MAGI1: variants seen among roughly 807,000 people sequenced by gnomAD.
The protein encoded by MAGI1 is membrane-associated guanylate kinase, WW and PDZ domain-containing protein 1.
In MAGI1, 58 loss-of-function variants were observed where a neutral mutation model predicts 139.9. The observed-to-expected ratio is 0.41, with a 90% CI of 0.34 to 0.52. The LOEUF is 0.52. MAGI1 is among the 20% of genes least tolerant of loss of function. The pLI is 0.12. For missense variants in MAGI1, 1,874 were observed against 1,901.6 expected, an observed-to-expected ratio of 0.99 and a Z score of 0.27; for synonymous variants, 812 against 737.9, an observed-to-expected ratio of 1.10 and a Z score of -1.63.
At chr3:65,649,080 T>C (rs2085434543) in intron 1 of MAGI1, among the ~76,000 whole-genome samples, 1 of 152,054 alleles carries the variant, frequency 6.6e-6, no homozygotes, top group East Asian at 1.9e-4. Flanking sequence ...GACTTAAATA[T>C]AAAACTATAA....
At chr3:65,366,268 C>T (rs2106761131) in intron 18 of MAGI1, among the ~76,000 whole-genome samples, 1 of 152,282 alleles carries the variant, frequency 6.6e-6, no homozygotes, top group Non-Finnish European at 1.5e-5. Flanking sequence ...GTTATTTAAG[C>T]TCTCTGCAAA....
chr3:65,729,291 T>C (rs368477548), intron 1 of MAGI1, among the ~76,000 whole-genome samples: 6 of 152,196 alleles, frequency 3.9e-5, no homozygotes, highest in East Asian at 1.9e-4. Context: ...TGCACCTACA[T>C]TGGTAAACAA....
intron 12 of MAGI1, among the ~76,000 whole-genome samples, chr3:65,427,941 A>G (rs953206176): frequency 2.6e-5 from 4 of 152,214 alleles, no homozygotes; most frequent in Non-Finnish European, 5.9e-5. Context: ...CAAGTGATCT[A>G]GGTACAAGAA....
intron 1 of MAGI1, among the ~76,000 whole-genome samples, chr3:65,923,775 C>A (rs3910074): frequency 0.19 from 29,439 of 151,906 alleles, 2,871 homozygotes; most frequent in Admixed American, 0.23. Flanking sequence ...ACTGCACAAG[C>A]ACATTTGGCC....
intron 1 of MAGI1, among the ~76,000 whole-genome samples, chr3:65,688,785 T>A (rs1038224365): frequency 4.6e-5 from 7 of 152,194 alleles, no homozygotes; most frequent in Admixed American, 1.3e-4. Flanking sequence ...AACCCCTCTC[T>A]TAACTAATAC....
intron 1 of MAGI1, among the ~76,000 whole-genome samples, chr3:65,860,411 C>A (rs2059515982): frequency 6.6e-6 from 1 of 152,172 alleles, no homozygotes; most frequent in South Asian, 2.1e-4. Flanking sequence ...ATCAGAACTG[C>A]AGACAAGGGT....
In MAGI1 at chr3:65,915,950, T is replaced by TATAC. The variant is rs1276648679; in HGVS notation, c.313+122042_313+122045dup. Among the ~76,000 whole-genome samples, 20 of 150,570 alleles carry TATAC rather than the reference T, an allele frequency of 1.3e-4. No individual in the cohort carries two copies. In the East Asian group the frequency reaches 3.5e-3, roughly 26 times the overall value. ...TTATCATTTCTGTGTAAGAAATACA[T>TATAC]ATACATTTATATGATACATATATAA... On this transcript the variant is annotated intron_variant, in intron 1 of 22. Coordinates refer to ENST00000402939, the MANE Select transcript of MAGI1 (RefSeq NM_001033057.2).
intron 2 of MAGI1, among the ~76,000 whole-genome samples, chr3:65,543,483 A>G (rs1399339280): frequency 1.3e-5 from 2 of 152,184 alleles, no homozygotes; most frequent in Non-Finnish European, 2.9e-5. Context: ...TCACAATAGC[A>G]AAGACTTGGG....
chr3:65,688,960 T>A (rs973856225), intron 1 of MAGI1, among the ~76,000 whole-genome samples: 1 of 152,166 alleles, frequency 6.6e-6, no homozygotes, highest in African/African-American at 2.4e-5. Context: ...CTATCCCTAC[T>A]CTGGAAAAAC....
intron 2 of MAGI1, among the ~76,000 whole-genome samples, chr3:65,594,418 A>T (rs2082094643): frequency 6.6e-6 from 1 of 152,252 alleles, no homozygotes; most frequent in Non-Finnish European, 1.5e-5. Context: ...AACAAGACCG[A>T]GGAAGCAAAG....
At chr3:65,920,857 C>T (rs575837740) in intron 1 of MAGI1, among the ~76,000 whole-genome samples, 12 of 152,112 alleles carry the variant, frequency 7.9e-5, no homozygotes, top group African/African-American at 2.2e-4. Flanking sequence ...GGTGAAACTC[C>T]GTCTCTACTA....
intron 5 of MAGI1, among the ~76,000 whole-genome samples, chr3:65,460,625 C>T (rs1362105185): frequency 1.3e-5 from 2 of 152,040 alleles, no homozygotes; most frequent in Non-Finnish European, 2.9e-5. Context: ...TATACATGTG[C>T]CATGGTGGTT....
chr3:65,574,328 T>A (rs775868654), intron 2 of MAGI1, among the ~76,000 whole-genome samples: 2 of 150,476 alleles, frequency 1.3e-5, no homozygotes, highest in Non-Finnish European at 3.0e-5. Flanking sequence ...ATAAGTACAG[T>A]ACCCAATAGA....
chr3:66,036,267 T>G (rs902518948), intron 1 of MAGI1, among the ~76,000 whole-genome samples: 4 of 152,194 alleles, frequency 2.6e-5, no homozygotes, highest in African/African-American at 9.7e-5. Context: ...TGGGTGCACT[T>G]TCCACGTGTT....
intron 5 of MAGI1, among the ~76,000 whole-genome samples, chr3:65,458,397 C>T (rs1450695017): frequency 6.6e-6 from 1 of 151,662 alleles, no homozygotes; most frequent in African/African-American, 2.4e-5. Flanking sequence ...AAACCGTTTC[C>T]CATAGTGATT....
At chr3:65,549,294 C>T (rs1464744864) in intron 2 of MAGI1, 1 of 456,978 alleles carries the variant, frequency 2.2e-6, no homozygotes, top group Admixed American at 6.4e-5. Context: ...CCCTTTCCTC[C>T]CTCTTTCCGT....
At chr3:65,820,529 A>C (rs1245538704) in intron 1 of MAGI1, among the ~76,000 whole-genome samples, 1 of 152,128 alleles carries the variant, frequency 6.6e-6, no homozygotes, top group Non-Finnish European at 1.5e-5. Flanking sequence ...AGGCGTCCTT[A>C]ATCTTTCGGG....
At chr3:65,773,815 G>C (rs2038154220) in intron 1 of MAGI1, among the ~76,000 whole-genome samples, 1 of 152,106 alleles carries the variant, frequency 6.6e-6, no homozygotes, top group Admixed American at 6.6e-5. Flanking sequence ...TCATACTTGA[G>C]TCTTTCATTT....
chr3:65,392,084 T>G (rs1475098298), intron 13 of MAGI1, among the ~76,000 whole-genome samples: 1 of 152,228 alleles, frequency 6.6e-6, no homozygotes, highest in Admixed American at 6.5e-5. Flanking sequence ...GGGGCCAGCC[T>G]TCTTAGATCT....
Sources: allele counts gnomAD v4.1 joint callset (sites outside exome capture counted in the v4.1 genomes callset), GRCh38; gene constraint gnomAD v4.1.1; transcripts MANE v1.5; gene names NCBI Gene and HGNC (gene_info 2026-07-23, HGNC 2026-07-21).